Variants in FSHR observed in about 807,000 individuals in gnomAD.
The protein encoded by FSHR is follicle-stimulating hormone receptor.
A neutral mutation model predicts 52.1 loss-of-function variants in FSHR; 46 were observed. That is an observed-to-expected ratio of 0.88 (90% CI 0.70 to 1.13). The LOEUF is 1.13. Among genes scored for constraint, FSHR ranks in the 50% most tolerant of loss-of-function variants. FSHR has a pLI of 0.00. For missense variants in FSHR, 964 were observed against 834.6 expected (o/e 1.16, Z -1.91); for synonymous variants, 399 against 309.6 (o/e 1.29, Z -3.03).
intron 2 of FSHR, among the ~76,000 whole-genome samples, chr2:49,051,583 C>T (rs1668857293): frequency 6.6e-6 from 1 of 151,896 alleles, no homozygotes; most frequent in African/African-American, 2.4e-5. Context: ...GTTCTTGATA[C>T]AAGTCCTTTT....
Position 49,098,348 on chromosome 2 carries a change from T to C in FSHR, c.153-30058A>G, listed in dbSNP as rs144899031. On this transcript the variant is annotated intron_variant, in intron 1 of 9. Coordinates refer to ENST00000406846, the MANE Select transcript of FSHR (RefSeq NM_000145.4). ...TTAGTGATAGAGATAAGTAAAGATA[T>C]AGAAAAACTGAAGGCTGGACACTTG... Among the ~76,000 whole-genome samples, 35 of 152,180 alleles carry C rather than the reference T, an allele frequency of 2.3e-4. No individual in the cohort carries two copies. In the East Asian group the frequency reaches 6.2e-3, roughly 27 times the overall value.
At chr2:49,091,366 T>G (rs1415663760) in intron 1 of FSHR, among the ~76,000 whole-genome samples, 1 of 152,158 alleles carries the variant, frequency 6.6e-6, no homozygotes, top group African/African-American at 2.4e-5. Flanking sequence ...TGCAGTAGCA[T>G]CATCACGGCT....
rs572756516 is a variant in FSHR at position 49,154,098 on chromosome 2, G to A, written c.152+168C>T. On this transcript the variant is annotated intron_variant, in intron 1 of 9. Transcript: ENST00000406846. ...AACTCTCATCTAAGATTCTTGGAAA[G>A]CCACAGGCAGGAGGGTTGGGCTGGG... Among the ~76,000 whole-genome samples, 31 of 152,292 alleles carry A rather than the reference G, an allele frequency of 2.0e-4. No individual in the cohort carries two copies. The South Asian group carries it at 6.0e-3, about 30-fold the overall frequency.
At chr2:48,963,988 T>C in intron 9 of FSHR, 22 bp from the exon 10 acceptor site, 1 of 1,605,550 alleles carries the variant, frequency 6.2e-7, no homozygotes, top group Non-Finnish European at 8.5e-7. Context: ...CAAAAAGAAA[T>C]AGAATCAACA....
At chr2:48,972,727 A>C (rs1477029929) in intron 8 of FSHR, among the ~76,000 whole-genome samples, 1 of 152,198 alleles carries the variant, frequency 6.6e-6, no homozygotes, top group Non-Finnish European at 1.5e-5. Flanking sequence ...AGATTAAAAA[A>C]AACATTTTAG....
chr2:48,982,919 CT>C lies in FSHR; in HGVS notation c.660del (p.Val221SerfsTer3). The C allele has an allele frequency of 6.2e-7, 1 of 1,613,230 alleles. No individual in the cohort carries two copies. The highest frequency in any genetic ancestry group is 8.5e-7 in the Non-Finnish European group (1 of 1,179,162). ...ATGGGGAAAGCTACTCACAGAATGA[CT>C]GGTCCAGAGGCTCCGTGGAAAACAT... ...PNDVFHGASGPVILDISRTRI... is the reference protein window; with the variant it reads ...PNDVFHGASGXVILDISRTRI... On this transcript the variant is annotated frameshift_variant, in exon 8 of 10. Coordinates refer to ENST00000406846, the MANE Select transcript of FSHR (RefSeq NM_000145.4). LOFTEE classifies it high-confidence loss of function.
intron 1 of FSHR, among the ~76,000 whole-genome samples, chr2:49,140,349 C>T (rs1167678123): frequency 6.6e-6 from 1 of 151,900 alleles, no homozygotes; most frequent in Non-Finnish European, 1.5e-5. Flanking sequence ...CCTGCTTTTG[C>T]CATGTGATGT....
At chr2:49,092,953 A>G (rs1160578386) in intron 1 of FSHR, among the ~76,000 whole-genome samples, 1 of 152,238 alleles carries the variant, frequency 6.6e-6, no homozygotes, top group Non-Finnish European at 1.5e-5. Context: ...GGCATGAGCC[A>G]CCACACCCAG....
At chr2:48,967,713 G>C (rs895616842) in intron 9 of FSHR, among the ~76,000 whole-genome samples, 1 of 152,176 alleles carries the variant, frequency 6.6e-6, no homozygotes, top group Non-Finnish European at 1.5e-5. Context: ...AACATTTTAG[G>C]GTGGGTACTG....
intron 4 of FSHR, among the ~76,000 whole-genome samples, chr2:49,012,949 A>T (rs922591533): frequency 3.9e-5 from 6 of 152,132 alleles, no homozygotes; most frequent in African/African-American, 1.2e-4. Context: ...TTGGAAATAG[A>T]ACTTCTGGTA....
chr2:49,115,272 C>T (rs147716668), intron 1 of FSHR, among the ~76,000 whole-genome samples: 5 of 151,982 alleles, frequency 3.3e-5, no homozygotes, highest in East Asian at 3.9e-4. Flanking sequence ...ACACAAACTC[C>T]GAACACAGCA....
At chr2:49,106,215 G>A (rs1572752100) in intron 1 of FSHR, among the ~76,000 whole-genome samples, 1 of 152,170 alleles carries the variant, frequency 6.6e-6, no homozygotes, top group African/African-American at 2.4e-5. Flanking sequence ...TTAACAACAA[G>A]ATGACATTTG....
At chr2:49,021,629 A>T (rs1047534000) in intron 2 of FSHR, among the ~76,000 whole-genome samples, 21 of 151,836 alleles carry the variant, frequency 1.4e-4, no homozygotes, top group Admixed American at 6.6e-4. Context: ...TGACTGGTGC[A>T]TCTGTGACCA....
chr2:48,983,507 G>A (rs563477294), intron 6 of FSHR, among the ~76,000 whole-genome samples: 34 of 152,300 alleles, frequency 2.2e-4, no homozygotes, highest in African/African-American at 8.2e-4. Context: ...GGGAGCGACA[G>A]ATCTTTCTCA....
At chr2:49,003,498 A>G (rs1666977469) in intron 4 of FSHR, among the ~76,000 whole-genome samples, 1 of 152,160 alleles carries the variant, frequency 6.6e-6, no homozygotes, top group South Asian at 2.1e-4. Flanking sequence ...CCTTCCCAGA[A>G]GGATAAATCA....
chr2:49,046,230 C>A lies in FSHR; in HGVS notation c.224+21989G>T, dbSNP rs570749411. ...CATGAAGATATTCATACTACTACTA[C>A]AAATTAAATGGATGATAACTCTGAA... is the stretch of plus-strand genomic sequence containing the variant. On this transcript the variant is annotated intron_variant, in intron 2 of 9. Coordinates refer to ENST00000406846, the MANE Select transcript of FSHR (RefSeq NM_000145.4). Among the ~76,000 whole-genome samples the A allele has an allele frequency of 1.8e-4, 28 of 152,320 alleles. No individual in the cohort carries two copies. The South Asian group carries it at 5.8e-3, about 32-fold the overall frequency.
intron 2 of FSHR, among the ~76,000 whole-genome samples, chr2:49,056,698 G>A (rs1669079753): frequency 6.6e-6 from 1 of 151,654 alleles, no homozygotes. Flanking sequence ...CCAGCTGCAG[G>A]ATACAAATTC....
chr2:49,094,216 A>T (rs573801242), intron 1 of FSHR, among the ~76,000 whole-genome samples: 3 of 152,184 alleles, frequency 2.0e-5, no homozygotes, highest in Admixed American at 6.5e-5. Context: ...TATTACTTCA[A>T]TGGTAATACA....
intron 2 of FSHR, among the ~76,000 whole-genome samples, chr2:49,055,801 C>T (rs1669042027): frequency 6.6e-6 from 1 of 151,932 alleles, no homozygotes. Context: ...ATACTATACC[C>T]AGCAAAGCTA....
Sources: allele counts gnomAD v4.1 joint callset (sites outside exome capture counted in the v4.1 genomes callset), GRCh38; gene constraint gnomAD v4.1.1; transcripts MANE v1.5; gene names NCBI Gene and HGNC (gene_info 2026-07-23, HGNC 2026-07-21).